The following CXCL13 variants were observed in gnomAD, a reference collection of about 807,000 sequenced individuals.
CXCL13 encodes the protein C-X-C motif chemokine 13.
Under a neutral mutation model 12.2 loss-of-function variants are expected in CXCL13, and 7 were observed. The observed-to-expected ratio is 0.57, with a 90% CI of 0.33 to 1.07. The LOEUF is 1.07. CXCL13 is among the 50% of genes least tolerant of loss of function. The pLI, the probability that CXCL13 is intolerant of heterozygous loss-of-function variation, is 0.04. For synonymous variants in CXCL13, 47 were observed against 42.4 expected (o/e 1.11, Z -0.42); for missense variants, 113 against 127.4 (o/e 0.89, Z 0.55).
At chr4:77,603,975 C>T (rs1033127387), upstream of CXCL13, among the ~76,000 whole-genome samples, 3 of 152,146 alleles carry the variant, frequency 2.0e-5, no homozygotes, top group Non-Finnish European at 4.4e-5. Flanking sequence ...AAAGTCATTG[C>T]CAGGCTGAGC....
At chr4:77,563,107 T>C (rs1340989784) in intron 1 of CXCL13, among the ~76,000 whole-genome samples, 1 of 152,120 alleles carries the variant, frequency 6.6e-6, no homozygotes, top group Non-Finnish European at 1.5e-5. Flanking sequence ...CTGAGGCCAG[T>C]GAGACTAGAA....
At position 77,560,274 on chromosome 4, in the gene CXCL13, C is replaced by T. The variant is rs78375283; in HGVS notation, c.-42-45550C>T. On this transcript the variant is annotated intron_variant, in intron 1 of 4. Transcript: ENST00000286758. ...GAGGTTGAATTGTGTTTCCAAGTCA[C>T]GCTACTAGTTCTTATTGGAATCTGT... 7.4e-3 allele frequency among the ~76,000 whole-genome samples: 1,130 copies of T among 152,188 alleles called. 42 individuals are homozygous for T. Among genetic ancestry groups the T allele is most frequent in the Admixed American group, 0.053 (816 of 15,280 alleles).
intron 1 of CXCL13, among the ~76,000 whole-genome samples, chr4:77,578,033 C>T (rs1726235187): frequency 1.3e-5 from 2 of 152,162 alleles, no homozygotes; most frequent in East Asian, 1.9e-4. Flanking sequence ...AAACCTTAAA[C>T]TGGTTGGCTT....
At chr4:77,563,939 T>C (rs1725870315) in intron 1 of CXCL13, among the ~76,000 whole-genome samples, 1 of 152,146 alleles carries the variant, frequency 6.6e-6, no homozygotes, top group Non-Finnish European at 1.5e-5. Context: ...GGCATAAAGT[T>C]TTTCCATATG....
At chr4:77,558,325 G>C (rs1725713333) in intron 1 of CXCL13, among the ~76,000 whole-genome samples, 1 of 152,130 alleles carries the variant, frequency 6.6e-6, no homozygotes, top group Non-Finnish European at 1.5e-5. Flanking sequence ...CAAGGGGAGA[G>C]GGCTAACCCT....
At chr4:77,580,541 G>A (rs905426743) in intron 1 of CXCL13, among the ~76,000 whole-genome samples, 9 of 151,298 alleles carry the variant, frequency 5.9e-5, no homozygotes, top group Non-Finnish European at 1.2e-4. Flanking sequence ...TAGCCTGGAT[G>A]GTTTCCATCT....
intron 1 of CXCL13, among the ~76,000 whole-genome samples, chr4:77,576,569 G>T (rs937252421): frequency 2.0e-5 from 3 of 152,156 alleles, no homozygotes; most frequent in Admixed American, 1.3e-4. Flanking sequence ...CTGACCTGTG[G>T]TAAGTGAAAA....
At chr4:77,546,797 G>T (rs1283223874) in intron 1 of CXCL13, among the ~76,000 whole-genome samples, 1 of 152,010 alleles carries the variant, frequency 6.6e-6, no homozygotes, top group African/African-American at 2.4e-5. Flanking sequence ...GAATGTGTTT[G>T]CTCTTGCTTC....
chr4:77,584,182 T>C (rs890246093), intron 1 of CXCL13, among the ~76,000 whole-genome samples: 1 of 152,134 alleles, frequency 6.6e-6, no homozygotes, highest in Admixed American at 6.5e-5. Flanking sequence ...TCTTTAAATA[T>C]CATTCCTCAA....
chr4:77,552,758 G>A (rs976183311), intron 1 of CXCL13, among the ~76,000 whole-genome samples: 1 of 152,250 alleles, frequency 6.6e-6, no homozygotes, highest in Admixed American at 6.5e-5. Context: ...CATGGGGATG[G>A]CGATGGCCTA....
rs150188790 is a variant in CXCL13 at position 77,549,282 on chromosome 4, T to G, written c.-43+37494T>G. 6.6e-3 allele frequency among the ~76,000 whole-genome samples: 1,006 copies of G among 152,322 alleles called. 6 individuals carry two copies. Among genetic ancestry groups the G allele is most frequent in the Non-Finnish European group, 0.011 (770 of 68,028 alleles). ...TTAGCTTCCTTTCAATGAGTTAGAA[T>G]ATGTTCCTTTAGCTCGGAGAAGTTT... On this transcript the variant is annotated intron_variant, in intron 1 of 4. Transcript: ENST00000286758.
intron 1 of CXCL13, among the ~76,000 whole-genome samples, chr4:77,565,847 C>T (rs986932190): frequency 3.3e-5 from 5 of 152,240 alleles, no homozygotes; most frequent in Middle Eastern, 3.4e-3. Context: ...CCAGGTTTGG[C>T]CTTAAAGAAA....
At chr4:77,549,570 G>T (rs192114776) in intron 1 of CXCL13, among the ~76,000 whole-genome samples, 2 of 152,288 alleles carry the variant, frequency 1.3e-5, no homozygotes, top group East Asian at 3.9e-4. Context: ...CTGTTTGTTA[G>T]TTTTACTTCT....
intron 1 of CXCL13, among the ~76,000 whole-genome samples, chr4:77,538,506 C>A (rs1725120097): frequency 6.6e-6 from 1 of 151,726 alleles, no homozygotes; most frequent in Non-Finnish European, 1.5e-5. Context: ...CCACACCCAC[C>A]CTCAACTTCC....
intron 1 of CXCL13, among the ~76,000 whole-genome samples, chr4:77,589,962 A>G (rs1192287266): frequency 6.6e-6 from 1 of 152,154 alleles, no homozygotes; most frequent in Non-Finnish European, 1.5e-5. Flanking sequence ...ACCTACATAT[A>G]CATTCCCCAT....
intron 1 of CXCL13, among the ~76,000 whole-genome samples, chr4:77,591,441 C>T (rs906953997): frequency 6.7e-6 from 1 of 150,062 alleles, no homozygotes; most frequent in African/African-American, 2.5e-5. Context: ...GTCCCAGCTA[C>T]TCGGGAGGCT....
chr4:77,570,061 T>A (rs1249486046), intron 1 of CXCL13, among the ~76,000 whole-genome samples: 1 of 152,212 alleles, frequency 6.6e-6, no homozygotes, highest in Non-Finnish European at 1.5e-5. Context: ...CTGGGATAAC[T>A]GGTAAGCCAT....
chr4:77,602,289 A>T (rs1008522983), upstream of CXCL13, among the ~76,000 whole-genome samples: 2 of 152,218 alleles, frequency 1.3e-5, no homozygotes, highest in Non-Finnish European at 2.9e-5. Context: ...GAGTACTGAC[A>T]TCTACAGTGG....
intron 1 of CXCL13, among the ~76,000 whole-genome samples, chr4:77,521,386 A>G (rs558871571): frequency 3.2e-4 from 48 of 152,248 alleles, no homozygotes; most frequent in Middle Eastern, 3.4e-3. Flanking sequence ...TATTGCCTCA[A>G]TTTCAGAGAC....
Sources: gnomAD v4.1 joint callset for allele counts (sites outside exome capture counted in the v4.1 genomes callset) on GRCh38, gnomAD v4.1.1 for gene constraint, MANE v1.5 for transcripts, NCBI Gene and HGNC (gene_info 2026-07-23, HGNC 2026-07-21) for gene names.